ZBTB49: variants seen among roughly 807,000 people sequenced by gnomAD.
The protein encoded by ZBTB49 is zinc finger and BTB domain-containing protein 49.
ZBTB49 carries 43 observed loss-of-function variants against 57.5 expected under a neutral mutation model. That is an observed-to-expected ratio of 0.75 (90% CI 0.59 to 0.97). The LOEUF (loss-of-function observed/expected upper bound fraction) is 0.97. Among genes scored for constraint, ZBTB49 ranks in the 50% least tolerant of loss-of-function variants. The probability of loss-of-function intolerance (pLI) is 0.00; values close to 1 mark genes in which losing one functional copy is unlikely to be tolerated. For missense variants in ZBTB49, 938 were observed against 947.7 expected (o/e 0.99, Z 0.13); for synonymous variants, 369 against 362.1 (o/e 1.02, Z -0.22).
At chr4:4,298,022 T>C (rs1720295606) in intron 1 of ZBTB49, among the ~76,000 whole-genome samples, 1 of 152,208 alleles carries the variant, frequency 6.6e-6, no homozygotes, top group African/African-American at 2.4e-5. Flanking sequence ...ATCTGCATTT[T>C]TAACAAGCTC....
intron 5 of ZBTB49, among the ~76,000 whole-genome samples, chr4:4,315,040 G>A (rs1721128285): frequency 6.6e-6 from 1 of 152,246 alleles, no homozygotes; most frequent in Admixed American, 6.5e-5. Flanking sequence ...AGAAAGAGGA[G>A]AGCTTATTCT....
intron 1 of ZBTB49, among the ~76,000 whole-genome samples, chr4:4,294,581 G>A (rs1011076290): frequency 4.6e-5 from 7 of 152,048 alleles, no homozygotes; most frequent in East Asian, 3.9e-4. Context: ...TCTCGAACTC[G>A]TAGCCTTAGG....
At chr4:4,306,044 C>A in intron 3 of ZBTB49, 94 bp from the exon 4 acceptor site, 1 of 949,576 alleles carries the variant, frequency 1.1e-6, no homozygotes, top group Non-Finnish European at 1.7e-6. Flanking sequence ...GAATGTAATG[C>A]CATTTTGAAA....
rs1354916252 is a variant in ZBTB49, at chr4:4,320,763, A to G, written c.1745A>G (p.Lys582Arg). The G allele has an allele frequency of 6.2e-7, 1 of 1,614,116 alleles. No individual in the cohort carries two copies. The highest frequency in any genetic ancestry group is 1.3e-5 in the African/African-American group (1 of 74,938). Residue 582 changes from lysine (K) to arginine (R), a missense_variant, in exon 8 of 8, where the codon AAG becomes AGG. Physicochemically the swap from Lys to Arg is conservative, Grantham distance 26. Around this residue, in one of 3 missense-constraint regions of ZBTB49, gnomAD observed 835 missense variants for 819.1 expected, o/e 1.02. Coordinates refer to ENST00000337872, the MANE Select transcript of ZBTB49 (RefSeq NM_145291.4). ...FTRSAVLRRH[K>R]KMHCKAGDES... is the part of the protein sequence containing the mutation. ...CGCTCTGCGGTGCTCCGGCGGCACA[A>G]GAAGATGCACTGCAAAGCTGGTGAC...
chr4:4,313,013 G>A (rs778113639), intron 4 of ZBTB49, 28 bp from the exon 5 acceptor site: 3 of 1,612,150 alleles, frequency 1.9e-6, no homozygotes, highest in Middle Eastern at 1.7e-4. Flanking sequence ...TTCATTATTG[G>A]TGTGTTTTTC....
chr4:4,306,234 G>GT (rs756794753), intron 4 of ZBTB49, 50 bp downstream of exon 4: 26 of 1,504,104 alleles, frequency 1.7e-5, no homozygotes, highest in East Asian at 4.5e-5. Flanking sequence ...GCAACACAGT[G>GT]TTTTTTTATT....
At position 4,297,773 on chromosome 4, in the gene ZBTB49, C is replaced by CAAA. The variant is rs554296344; in HGVS notation, c.-19-2138_-19-2136dup. ...TGGGTGGCAGAGCTAGATCCTGTTT[C>CAAA]AAAAAAAAAAAAAAAAAAGAATGGT... On this transcript the variant is annotated intron_variant, in intron 1 of 7. Transcript: ENST00000337872. Among the ~76,000 whole-genome samples, 152 of 115,602 alleles carry CAAA rather than the reference C, an allele frequency of 1.3e-3. 1 individual carries two copies. Among genetic ancestry groups the CAAA allele is most frequent in the South Asian group, 4.6e-3 (17 of 3,694 alleles). The allele number at this position is 115,602 out of a possible 152,430, so 75.8% of individuals were successfully genotyped here. A position where few individuals can be genotyped will look rare whatever the true frequency, so the allele number is the denominator to read the frequency against.
At chr4:4,295,715 T>C (rs1720165780) in intron 1 of ZBTB49, among the ~76,000 whole-genome samples, 1 of 152,182 alleles carries the variant, frequency 6.6e-6, no homozygotes, top group South Asian at 2.1e-4. Context: ...TTGCTCTTTG[T>C]CCCAGTTTTC....
intron 1 of ZBTB49, among the ~76,000 whole-genome samples, chr4:4,296,584 A>G (rs912314954): frequency 6.6e-6 from 1 of 152,206 alleles, no homozygotes; most frequent in African/African-American, 2.4e-5. Flanking sequence ...GTGGAACTGT[A>G]AGTCTAATAA....
Position 4,299,944 on chromosome 4 carries a change from G to C in ZBTB49, c.-2G>C, listed in dbSNP as rs1720401857. On this transcript the variant is annotated 5_prime_UTR_variant, in exon 2 of 8. Coordinates refer to ENST00000337872, the MANE Select transcript of ZBTB49 (RefSeq NM_145291.4). Reference sequence around the variant, plus strand: ...TGCTGTAGGTCACCTGAATGGTTGAGCATGGACCCTGTTGCTACCCACAGC... The same window carrying C: ...TGCTGTAGGTCACCTGAATGGTTGACCATGGACCCTGTTGCTACCCACAGC... 3.1e-6 allele frequency: 5 copies of C among 1,613,952 alleles called. No individual in the cohort carries two copies. Among genetic ancestry groups the C allele is most frequent in the Non-Finnish European group, 4.2e-6 (5 of 1,180,000 alleles).
At chr4:4,312,897 T>A (rs187948872) in intron 4 of ZBTB49, 144 bp from the exon 5 acceptor site, 1 of 863,196 alleles carries the variant, frequency 1.2e-6, no homozygotes, top group African/African-American at 1.7e-5. Context: ...GCCCATGGCT[T>A]CTTTTGAGTT....
chr4:4,302,281 A>G lies in ZBTB49; in HGVS notation c.445A>G (p.Ser149Gly). 1 of 1,614,176 alleles carries G rather than the reference A, an allele frequency of 6.2e-7. No homozygotes were observed. Among genetic ancestry groups the G allele is most frequent in the Non-Finnish European group, 8.5e-7 (1 of 1,179,970 alleles). ...TLTPDATCVI[S>G]ENYPPHLLQE... is the part of the protein sequence containing the mutation. ...GACCCCAGATGCCACTTGTGTTATC[A>G]GTGAAAACTACCCCCCTCATTTACT... Residue 149 changes from serine to glycine, a missense_variant, in exon 3 of 8, where the codon AGT (serine) becomes GGT (glycine). Coordinates refer to ENST00000337872, the MANE Select transcript of ZBTB49 (RefSeq NM_145291.4).
Position 4,321,147 on chromosome 4 carries a change from C to T in ZBTB49, c.2129C>T (p.Ala710Val). 6.2e-7 allele frequency: 1 copy of T among 1,614,184 alleles called. No homozygotes were observed. Among genetic ancestry groups the T allele is most frequent in the Non-Finnish European group, 8.5e-7 (1 of 1,180,046 alleles). ...GGEPLQADGM[A>V]MIRSSLAALD... ...GAACCACTGCAGGCCGATGGCATGG[C>T]CATGATCCGTTCCTCTCTGGCTGCT... Residue 710 changes from alanine (A) to valine (V), a missense_variant, in exon 8 of 8, where the codon GCC (alanine) becomes GTC (valine). Ala to Val is a moderately conservative substitution (Grantham distance 64). Around this residue, in one of 3 missense-constraint regions of ZBTB49, gnomAD observed 835 missense variants for 819.1 expected, o/e 1.02. Transcript: ENST00000337872.
intron 4 of ZBTB49, among the ~76,000 whole-genome samples, chr4:4,312,833 A>G (rs78771917): frequency 0.026 from 3,989 of 152,244 alleles, 81 homozygotes; most frequent in Non-Finnish European, 0.039. Context: ...CGGGGTGGAG[A>G]CACATCTCGT....
intron 4 of ZBTB49, among the ~76,000 whole-genome samples, chr4:4,310,867 T>C (rs904577096): frequency 1.3e-5 from 2 of 152,042 alleles, no homozygotes; most frequent in Non-Finnish European, 2.9e-5. Context: ...TTCTAAGACA[T>C]GGTCTGTGCA....
chr4:4,296,458 A>G (rs1314132562), intron 1 of ZBTB49, among the ~76,000 whole-genome samples: 1 of 152,170 alleles, frequency 6.6e-6, no homozygotes, highest in Non-Finnish European at 1.5e-5. Flanking sequence ...GATAGTTTTA[A>G]AAACGGGAGT....
rs201754792 is a variant in ZBTB49, at chr4:4,321,250, C to G, written c.2232C>G (p.Phe744Leu). The G allele has an allele frequency of 6.2e-7, 1 of 1,614,122 alleles. No individual in the cohort carries two copies. Among genetic ancestry groups the G allele is most frequent in the Non-Finnish European group, 8.5e-7 (1 of 1,180,038 alleles). Reference protein sequence around the residue: ...TTYRNSEGQFFSSMTLWGLAM... With the variant: ...TTYRNSEGQFLSSMTLWGLAM... ...ATAGGAACTCAGAGGGTCAGTTTTT[C>G]TCCAGCATGACTCTCTGGGGGCTAG... The change falls in exon 8 of 8, where the codon TTC becomes TTG. Residue 744 changes from phenylalanine to leucine, a missense_variant. Coordinates refer to ENST00000337872, the MANE Select transcript of ZBTB49 (RefSeq NM_145291.4).
In ZBTB49 at chr4:4,315,888, A is replaced by G. The variant is rs1048716400; in HGVS notation, c.1539A>G (p.Gly513=). 1 of 1,614,212 alleles carries G rather than the reference A, an allele frequency of 6.2e-7. No homozygotes were observed. The highest frequency in any genetic ancestry group is 1.1e-5 in the South Asian group (1 of 91,088). Residue 513 remains glycine (G), a synonymous_variant, in exon 7 of 8, where the codon GGA becomes GGG. Transcript: ENST00000337872. The stretch of plus-strand genomic sequence containing the variant: ...AAGTCTTCACCTGTGATGAGTGTGG[A>G]AAGTCTTTTAATATGCAAAGGAAGT... ...ADKVFTCDEC[G]KSFNMQRKLV... is the part of the protein sequence containing the mutation.
At chr4:4,306,256 A>G (rs1720730980) in intron 4 of ZBTB49, 72 bp downstream of exon 4, 2 of 1,323,146 alleles carry the variant, frequency 1.5e-6, no homozygotes, top group Non-Finnish European at 1.1e-6. Flanking sequence ...GAAATAAGAC[A>G]TACTTTTGTA....
Sources: gnomAD v4.1 joint callset for allele counts (sites outside exome capture counted in the v4.1 genomes callset) on GRCh38, gnomAD v4.1.1 for gene constraint, gnomAD v4.1.1 regional missense constraint, MANE v1.5 for transcripts, NCBI Gene and HGNC (gene_info 2026-07-23, HGNC 2026-07-21) for gene names.